Variants in PTK2 observed in about 807,000 individuals in gnomAD.
PTK2 encodes focal adhesion kinase 1.
A neutral mutation model predicts 150.1 loss-of-function variants in PTK2; 45 were observed. The ratio of observed to expected loss-of-function variants is 0.30; its 90% CI spans 0.24 to 0.38. PTK2 has a LOEUF of 0.38. Among genes scored for constraint, PTK2 ranks in the 10% least tolerant of loss-of-function variants. The pLI, the probability that PTK2 is intolerant of heterozygous loss-of-function variation, is 1.00. For missense variants in PTK2, 919 were observed against 1,307.3 expected (o/e 0.70, Z 4.58); for synonymous variants, 432 against 449.2 (o/e 0.96, Z 0.48).
intron 16 of PTK2, among the ~76,000 whole-genome samples, chr8:140,759,578 C>T (rs2100068118): frequency 6.8e-6 from 1 of 146,532 alleles, no homozygotes; most frequent in South Asian, 2.2e-4. Context: ...AAAAAGTTGG[C>T]TGGCTCAGTG....
At chr8:140,883,765 G>C (rs1237290658) in intron 3 of PTK2, among the ~76,000 whole-genome samples, 1 of 151,922 alleles carries the variant, frequency 6.6e-6, no homozygotes, top group Non-Finnish European at 1.5e-5. Flanking sequence ...TTTTATCTTG[G>C]TGGTCCACAG....
At chr8:140,928,292 TA>T (rs2100170464) in intron 1 of PTK2, among the ~76,000 whole-genome samples, 1 of 152,074 alleles carries the variant, frequency 6.6e-6, no homozygotes, top group South Asian at 2.1e-4. Flanking sequence ...GCTACTTTTT[TA>T]AAAAATAGAA....
chr8:140,746,797 G>A, exon 18 of PTK2: 1 of 1,613,550 alleles, frequency 6.2e-7, no homozygotes, highest in Non-Finnish European at 8.5e-7. Flanking sequence ...TATCCAGACA[G>A]GATTCTCTGT....
chr8:140,927,397 G>C (rs2100169864), intron 1 of PTK2: 1 of 152,036 alleles, frequency 6.6e-6, no homozygotes, highest in Non-Finnish European at 1.5e-5. Context: ...TCCAAGTTAG[G>C]TTAACTTTCC....
chr8:140,839,699 G>T (rs2100121139), intron 7 of PTK2, among the ~76,000 whole-genome samples: 1 of 152,160 alleles, frequency 6.6e-6, no homozygotes, highest in Admixed American at 6.5e-5. Context: ...AGAGAATCCA[G>T]AGAGACAGAG....
chr8:140,951,826 A>G (rs2100179637), intron 1 of PTK2, among the ~76,000 whole-genome samples: 1 of 152,068 alleles, frequency 6.6e-6, no homozygotes, highest in African/African-American at 2.4e-5. Flanking sequence ...CAGAAGCTAC[A>G]GTGAGCTATG....
intron 1 of PTK2, among the ~76,000 whole-genome samples, chr8:140,929,099 G>C (rs1261780713): frequency 6.8e-6 from 1 of 147,374 alleles, no homozygotes; most frequent in African/African-American, 2.5e-5. Flanking sequence ...CCAAGTAGCT[G>C]GGACTACAGG....
chr8:140,811,826 A>T (rs2100101723), intron 10 of PTK2, among the ~76,000 whole-genome samples: 1 of 152,236 alleles, frequency 6.6e-6, no homozygotes, highest in South Asian at 2.1e-4. Context: ...CAGAGCTTGA[A>T]AGCTGTCTTT....
Position 140,739,000 on chromosome 8 carries a change from A to T in PTK2, c.1825+18T>A. ...AAATATAATTTTTAAAGAATACAAAACTTTTAAGAGTACTCACCAAACATC... is the reference window on the plus strand; with the variant it reads ...AAATATAATTTTTAAAGAATACAAATCTTTTAAGAGTACTCACCAAACATC... On this transcript the variant is annotated intron_variant, in intron 21 of 31. Coordinates refer to ENST00000522684, the Ensembl canonical transcript of PTK2. 1 of 1,469,284 alleles carries T rather than the reference A, an allele frequency of 6.8e-7. No homozygotes were observed. The allele number at this position is 1,469,284 out of a possible 1,614,324, so 91.0% of individuals were successfully genotyped here. A position where few individuals can be genotyped will look rare whatever the true frequency, so the allele number is the denominator to read the frequency against.
At position 140,859,936 on chromosome 8, in the gene PTK2, T is replaced by C. The variant is rs4607664; in HGVS notation, c.450+4376A>G. Among the ~76,000 whole-genome samples, 860 of 152,338 alleles carry C rather than the reference T, an allele frequency of 5.6e-3. 9 individuals carry two copies. The highest frequency in any genetic ancestry group is 0.02 in the African/African-American group (821 of 41,564). On this transcript the variant is annotated intron_variant, in intron 5 of 31. Transcript: ENST00000522684. ...CAGGGCAGATTCTGCATTGAGACTT[T>C]ACCAGGAGAAGTCAAATATATAATT...
At chr8:140,726,954 G>A (rs2100046208) in intron 22 of PTK2, among the ~76,000 whole-genome samples, 1 of 152,178 alleles carries the variant, frequency 6.6e-6, no homozygotes, top group Non-Finnish European at 1.5e-5. Context: ...GGTGGTGGTG[G>A]TAAATGGACA....
At chr8:140,761,184 T>C in exon 16 of PTK2, 3 of 1,610,390 alleles carry the variant, frequency 1.9e-6, no homozygotes, top group Non-Finnish European at 1.7e-6. Context: ...ATAAATGCCT[T>C]GATGTACATC....
At chr8:140,830,705 A>G (rs1229473099) in intron 7 of PTK2, among the ~76,000 whole-genome samples, 179 bp from the exon 8 acceptor site, 2 of 152,140 alleles carry the variant, frequency 1.3e-5, no homozygotes, top group Non-Finnish European at 2.9e-5. Context: ...GGGACAAATC[A>G]TTTTCTAGAT....
At chr8:140,753,691 T>C (rs933459127) in intron 16 of PTK2, among the ~76,000 whole-genome samples, 9 of 152,334 alleles carry the variant, frequency 5.9e-5, no homozygotes, top group African/African-American at 2.2e-4. Context: ...ACTATTGTCT[T>C]TCACATTATA....
exon 32 of PTK2, chr8:140,658,682 A>G (rs905798448): frequency 1.6e-4 from 34 of 214,304 alleles, no homozygotes; most frequent in African/African-American, 7.0e-4. Context: ...AAATGGAAAA[A>G]GGGGATGGTT....
intron 2 of PTK2, among the ~76,000 whole-genome samples, chr8:140,917,181 A>C (rs1334474036): frequency 4.6e-5 from 7 of 152,172 alleles, no homozygotes; most frequent in Non-Finnish European, 7.3e-5. Context: ...ACTTGAGGTC[A>C]GGAGTTCGAG....
intron 21 of PTK2, among the ~76,000 whole-genome samples, chr8:140,737,245 G>C (rs978772646): frequency 1.3e-5 from 2 of 152,200 alleles, no homozygotes; most frequent in South Asian, 4.2e-4. Context: ...TGAAACTATC[G>C]GCATGCGCCA....
At chr8:140,721,175 T>G (rs759607207) in intron 22 of PTK2, among the ~76,000 whole-genome samples, 2 of 152,158 alleles carry the variant, frequency 1.3e-5, no homozygotes, top group Non-Finnish European at 2.9e-5. Flanking sequence ...TTACACCATA[T>G]GCCTGTGCAA....
chr8:140,846,656 T>G, exon 6 of PTK2: 1 of 1,611,528 alleles, frequency 6.2e-7, no homozygotes, highest in Non-Finnish European at 8.5e-7. Flanking sequence ...ATCAGCTATC[T>G]CTAACATATA....
Sources: gnomAD v4.1 joint callset for allele counts (sites outside exome capture counted in the v4.1 genomes callset) on GRCh38, gnomAD v4.1.1 for gene constraint, MANE v1.5 for transcripts, NCBI Gene and HGNC (gene_info 2026-07-23, HGNC 2026-07-21) for gene names.